Variants in PRKCH observed in about 807,000 individuals in gnomAD.
PRKCH encodes protein kinase C eta type.
In PRKCH, 28 loss-of-function variants were observed where a neutral mutation model predicts 82.5. That is an observed-to-expected ratio of 0.34 (90% confidence interval 0.25 to 0.47). The LOEUF is 0.47. PRKCH is among the 20% of genes least tolerant of loss of function. The pLI is 1.00. For missense variants in PRKCH, 705 were observed against 881.8 expected (o/e 0.80, Z 2.54); for synonymous variants, 322 against 327.4 (o/e 0.98, Z 0.18).
rs186942600 is a variant in PRKCH at position 61,415,859 on chromosome 14, C to T, written c.427+24571C>T. On this transcript the variant is annotated intron_variant, in intron 2 of 13. Coordinates refer to ENST00000332981, the MANE Select transcript of PRKCH (RefSeq NM_006255.5). ...TTCTCCATTCCCTCTCCCTCCAGCC[C>T]TTAGCAAACACCATTCTGCTTTCTG... 2.5e-4 allele frequency among the ~76,000 whole-genome samples: 38 copies of T among 152,186 alleles called. 1 individual carries two copies. The highest frequency in any genetic ancestry group is 2.3e-3 in the Admixed American group (35 of 15,284).
intron 1 of PRKCH, among the ~76,000 whole-genome samples, chr14:61,341,520 G>A (rs994122846): frequency 3.3e-5 from 5 of 152,214 alleles, no homozygotes; most frequent in Admixed American, 2.6e-4. Context: ...GACCACAGTA[G>A]ATGCTGGGGG....
intron 10 of PRKCH, among the ~76,000 whole-genome samples, chr14:61,494,483 A>G (rs926112391): frequency 2.6e-5 from 4 of 152,212 alleles, no homozygotes; most frequent in Non-Finnish European, 4.4e-5. Flanking sequence ...GAAGCCCTGC[A>G]TGCTAGACCC....
intron 2 of PRKCH, among the ~76,000 whole-genome samples, chr14:61,416,662 C>T (rs1246097595): frequency 6.6e-6 from 1 of 151,954 alleles, no homozygotes; most frequent in Non-Finnish European, 1.5e-5. Context: ...TTTCCTCTCC[C>T]CACCCCTGCT....
chr14:61,430,877 C>T (rs980123447), intron 2 of PRKCH, among the ~76,000 whole-genome samples: 1 of 152,078 alleles, frequency 6.6e-6, no homozygotes, highest in African/African-American at 2.4e-5. Flanking sequence ...GCCTCAGCCT[C>T]CCGAGTAGCT....
At chr14:61,446,571 A>G (rs1179661910) in intron 4 of PRKCH, among the ~76,000 whole-genome samples, 1 of 152,282 alleles carries the variant, frequency 6.6e-6, no homozygotes, top group Non-Finnish European at 1.5e-5. Flanking sequence ...GGATGGACTG[A>G]ATAAGACATA....
At chr14:61,453,572 C>T (rs1884618792) in intron 7 of PRKCH, among the ~76,000 whole-genome samples, 1 of 147,276 alleles carries the variant, frequency 6.8e-6, no homozygotes, top group South Asian at 2.2e-4. Flanking sequence ...CTCTTTCTCC[C>T]TTTTTTTTCT....
intron 1 of PRKCH, among the ~76,000 whole-genome samples, chr14:61,381,853 G>C (rs990544234): frequency 3.3e-5 from 5 of 152,224 alleles, no homozygotes; most frequent in Non-Finnish European, 7.3e-5. Context: ...GCTTGAGGCT[G>C]AGAGAAAGCA....
chr14:61,447,998 A>G (rs539861880), intron 4 of PRKCH, among the ~76,000 whole-genome samples: 5 of 152,358 alleles, frequency 3.3e-5, no homozygotes, highest in African/African-American at 1.2e-4. Flanking sequence ...AATCCATGAA[A>G]TCAAATGCTG....
At chr14:61,455,454 A>G (rs1338143623) in intron 7 of PRKCH, among the ~76,000 whole-genome samples, 1 of 152,224 alleles carries the variant, frequency 6.6e-6, no homozygotes, top group Non-Finnish European at 1.5e-5. Flanking sequence ...TCATCAAATC[A>G]TGGTGAAAAA....
At chr14:61,372,651 C>A (rs1359817616) in intron 1 of PRKCH, among the ~76,000 whole-genome samples, 3 of 152,020 alleles carry the variant, frequency 2.0e-5, no homozygotes, top group Admixed American at 6.5e-5. Flanking sequence ...AGAGTCCATA[C>A]TCATTTCTGA....
At chr14:61,190,714 C>T (rs1252522240) in intron 1 of PRKCH, among the ~76,000 whole-genome samples, 1 of 152,144 alleles carries the variant, frequency 6.6e-6, no homozygotes, top group African/African-American at 2.4e-5. Context: ...CTCTTGAAGG[C>T]AGGACGCTCC....
At chr14:61,332,238 T>A (rs1566824411) in intron 1 of PRKCH, among the ~76,000 whole-genome samples, 1 of 152,236 alleles carries the variant, frequency 6.6e-6, no homozygotes, top group Non-Finnish European at 1.5e-5. Flanking sequence ...GAGGGAGGAA[T>A]GAGCCCAAGG....
chr14:61,234,246 CT>C (rs1162308896), intron 1 of PRKCH, among the ~76,000 whole-genome samples: 1 of 152,158 alleles, frequency 6.6e-6, no homozygotes, highest in African/African-American at 2.4e-5. Context: ...GTTACCATTT[CT>C]TGCTTAGGAA....
intron 2 of PRKCH, among the ~76,000 whole-genome samples, chr14:61,425,872 C>G (rs1566875191): frequency 6.6e-6 from 1 of 152,154 alleles, no homozygotes; most frequent in Non-Finnish European, 1.5e-5. Context: ...CCATGCTGTT[C>G]TTGTGATATT....
chr14:61,329,414 T>C (rs1031265206), intron 1 of PRKCH, among the ~76,000 whole-genome samples: 1 of 151,746 alleles, frequency 6.6e-6, no homozygotes, highest in Non-Finnish European at 1.5e-5. Flanking sequence ...TTTTATATTT[T>C]TGGTAGAGAC....
intron 9 of PRKCH, among the ~76,000 whole-genome samples, chr14:61,465,607 T>C (rs1004891085): frequency 6.6e-6 from 1 of 152,224 alleles, no homozygotes; most frequent in Non-Finnish European, 1.5e-5. Flanking sequence ...GCCAGTACCA[T>C]AATGTTTTGA....
chr14:61,529,113 G>T lies in PRKCH; in HGVS notation c.1472G>T (p.Gly491Val), dbSNP rs2043010930. ...KLDNVLLDHE[G>V]HCKLADFGMC... ...GACAATGTCCTGTTGGACCACGAGG[G>T]TCACTGTAAACTGGCAGACTTCGGA... The change falls in exon 11 of 14, where the codon GGT (glycine) becomes GTT (valine). Residue 491 changes from glycine to valine, a missense_variant. Coordinates refer to ENST00000332981, the MANE Select transcript of PRKCH (RefSeq NM_006255.5). 1 of 1,613,824 alleles carries T rather than the reference G, an allele frequency of 6.2e-7. No homozygotes were observed. Among genetic ancestry groups the T allele is most frequent in the Admixed American group, 1.7e-5 (1 of 59,986 alleles).
chr14:61,196,752 A>G (rs1340184806), intron 1 of PRKCH, among the ~76,000 whole-genome samples: 2 of 152,218 alleles, frequency 1.3e-5, no homozygotes, highest in East Asian at 3.8e-4. Flanking sequence ...ACAGAACAAC[A>G]GACAGGACTC....
At chr14:61,460,758 C>T (rs547218159) in intron 9 of PRKCH, among the ~76,000 whole-genome samples, 132 of 152,276 alleles carry the variant, frequency 8.7e-4, no homozygotes, top group Middle Eastern at 6.8e-3. Context: ...TGCATTTCCC[C>T]GCCTTCCCAT....
Sources: allele counts gnomAD v4.1 joint callset (sites outside exome capture counted in the v4.1 genomes callset), GRCh38; gene constraint gnomAD v4.1.1; transcripts MANE v1.5; gene names NCBI Gene and HGNC (gene_info 2026-07-23, HGNC 2026-07-21).